Variants in DST observed in about 807,000 individuals in gnomAD.
DST encodes the protein dystonin, also known as bullous pemphigoid antigen.
Under a neutral mutation model 875.2 loss-of-function variants are expected in DST, and 253 were observed. The observed-to-expected ratio is 0.29, with a 90% CI of 0.26 to 0.32. The LOEUF is 0.32. Ranked by LOEUF, DST falls within the 10% of genes least tolerant of loss-of-function variation. The probability of loss-of-function intolerance (pLI) is 1.00; values close to 1 mark genes in which losing one functional copy is unlikely to be tolerated. For synonymous variants in DST, 3,124 were observed against 3,197.1 expected, an observed-to-expected ratio of 0.98 and a Z score of 0.77; for missense variants, 8,287 against 9,111.6, an observed-to-expected ratio of 0.91 and a Z score of 3.68.
chr6:56,574,086 T>C (rs2152619304), intron 50 of DST, among the ~76,000 whole-genome samples, 199 bp from the exon 51 acceptor site: 1 of 152,278 alleles, frequency 6.6e-6, no homozygotes, highest in East Asian at 1.9e-4. Context: ...CAATGGATAC[T>C]GAAAATTGAA....
intron 8 of DST, among the ~76,000 whole-genome samples, chr6:56,700,826 A>G (rs16888124): frequency 0.23 from 35,233 of 152,064 alleles, 4,673 homozygotes; most frequent in African/African-American, 0.34. Context: ...GATGAATAAT[A>G]AGCAAACAAC....
At chr6:56,490,156 T>C (rs1268892062) in intron 85 of DST, among the ~76,000 whole-genome samples, 1 of 152,192 alleles carries the variant, frequency 6.6e-6, no homozygotes, top group African/African-American at 2.4e-5. Context: ...AACATCTTTA[T>C]TGCTGCTATC....
intron 2 of DST, among the ~76,000 whole-genome samples, chr6:56,901,486 T>C (rs1794066484): frequency 6.6e-6 from 1 of 152,048 alleles, no homozygotes; most frequent in African/African-American, 2.4e-5. Flanking sequence ...TCCCAGCTAC[T>C]TGGGAGGCTG....
At chr6:56,890,377 G>C (rs922070047) in intron 3 of DST, among the ~76,000 whole-genome samples, 18 of 152,276 alleles carry the variant, frequency 1.2e-4, no homozygotes, top group South Asian at 4.1e-4. Flanking sequence ...AAAATGCTTT[G>C]TAATGTGAAA....
At chr6:56,953,970 C>T (rs922259407) in intron 1 of DST, among the ~76,000 whole-genome samples, 151 bp from the exon 2 acceptor site, 3 of 152,122 alleles carry the variant, frequency 2.0e-5, no homozygotes, top group Non-Finnish European at 4.4e-5. Context: ...GAGGAGGAGT[C>T]CTGGGGCCAT....
At chr6:56,559,555 C>T (rs1206754807) in intron 58 of DST, among the ~76,000 whole-genome samples, 1 of 152,044 alleles carries the variant, frequency 6.6e-6, no homozygotes, top group African/African-American at 2.4e-5. Flanking sequence ...TTATATAGCA[C>T]TTGATATGTG....
intron 4 of DST, among the ~76,000 whole-genome samples, chr6:56,779,099 C>G (rs1035263242): frequency 6.6e-6 from 1 of 152,096 alleles, no homozygotes; most frequent in Non-Finnish European, 1.5e-5. Context: ...GATGGTATCT[C>G]ATTGTGGTTT....
At chr6:56,690,638 T>C (rs1232739821) in intron 9 of DST, among the ~76,000 whole-genome samples, 1 of 152,156 alleles carries the variant, frequency 6.6e-6, no homozygotes, top group African/African-American at 2.4e-5. Context: ...ACTGATCACA[T>C]AGGGAAGCTA....
chr6:56,568,192 C>T (rs1344038753), intron 55 of DST, among the ~76,000 whole-genome samples: 1 of 152,150 alleles, frequency 6.6e-6, no homozygotes, highest in Non-Finnish European at 1.5e-5. Flanking sequence ...TGAATATGAT[C>T]TGTTCCCTTC....
At position 56,530,067 on chromosome 6, in the gene DST, G is replaced by A. The variant is rs759192728; in HGVS notation, c.17175C>T (p.Asn5725=). The change falls in exon 65 of 104, where the codon AAC becomes AAT. Residue 5725 remains asparagine, a synonymous_variant. Coordinates refer to ENST00000680361, the MANE Select transcript of DST (RefSeq NM_001374736.1). ...TCTTTTCTATGGTTGTAAGCCACTCGTTCAGTGGTTCTAAGGTTTCATGAA... is the reference window on the plus strand; with the variant it reads ...TCTTTTCTATGGTTGTAAGCCACTCATTCAGTGGTTCTAAGGTTTCATGAA... ...QQFHETLEPL[N]EWLTTIEKRL... is the part of the protein sequence containing the mutation. 2.5e-6 allele frequency: 4 copies of A among 1,612,532 alleles called. No individual in the cohort carries two copies. The highest frequency in any genetic ancestry group is 3.3e-5 in the Admixed American group (2 of 59,796).
Position 56,511,232 on chromosome 6 carries a change from C to T in DST, c.18745G>A (p.Val6249Met). 6.3e-7 allele frequency: 1 copy of T among 1,590,908 alleles called. No individual in the cohort carries two copies. The highest frequency in any genetic ancestry group is 8.6e-7 in the Non-Finnish European group (1 of 1,167,258). ...TGAGAAATGGCTTCATCCAGTGCCA[C>T]AGCACGCTTTTTGACATCTTCTTTA... Reference protein sequence around the residue: ...QIKEDVKKRAVALDEAISQST... With the variant: ...QIKEDVKKRAMALDEAISQST... The change falls in exon 73 of 104, where the codon GTG (valine) becomes ATG (methionine). Residue 6249 changes from valine to methionine, a missense_variant. Around this residue, in one of 10 missense-constraint regions of DST, gnomAD observed 1,292 missense variants for 1,552.7 expected, o/e 0.83. Transcript: ENST00000680361.
chr6:56,473,783 C>T, intron 93 of DST, 90 bp downstream of exon 93: 1 of 1,304,788 alleles, frequency 7.7e-7, no homozygotes, highest in Non-Finnish European at 1.1e-6. Flanking sequence ...TGTAAAATCA[C>T]CAATTGCCCC....
At position 56,463,638 on chromosome 6, in the gene DST, T is replaced by C. The variant is rs1270972086; in HGVS notation, c.22886A>G (p.Asn7629Ser). Residue 7629 changes from asparagine (N) to serine (S), a missense_variant, in exon 101 of 104, where the codon AAC becomes AGC. Around this residue, in one of 10 missense-constraint regions of DST, gnomAD observed 240 missense variants for 237.3 expected, o/e 1.01. Coordinates refer to ENST00000680361, the MANE Select transcript of DST (RefSeq NM_001374736.1). ...CTGACTGGACACAGAAGTGGATCTG[T>C]TGGGTGAAGCGCCTCGTGATGATGG... ...SRPSSRGASPNRSTSVSSQAA... is the reference protein window; with the variant it reads ...SRPSSRGASPSRSTSVSSQAA... 12 of 1,613,796 alleles carry C rather than the reference T, an allele frequency of 7.4e-6. No homozygotes were observed. The highest frequency in any genetic ancestry group is 9.3e-6 in the Non-Finnish European group (11 of 1,179,778).
intron 49 of DST, among the ~76,000 whole-genome samples, chr6:56,590,408 T>G (rs1046409921): frequency 1.2e-4 from 18 of 152,172 alleles, no homozygotes; most frequent in Admixed American, 1.1e-3. Context: ...TTTATGCATT[T>G]TCTATACTTA....
At position 56,557,443 on chromosome 6, in the gene DST, G is replaced by A; in HGVS notation, c.14516C>T (p.Thr4839Ile). The stretch of plus-strand genomic sequence containing the variant: ...TTGGGCCTCTACAGTCTGGAACTGG[G>A]TTAGATTATTGGAGGATTCTTCCAG... ...QKLEESSNNL[T>I]QFQTVEAQLK... is the part of the protein sequence containing the mutation. Residue 4839 changes from threonine to isoleucine, a missense_variant, in exon 59 of 104, where the codon ACC becomes ATC. Around this residue, in one of 10 missense-constraint regions of DST, gnomAD observed 1,513 missense variants for 1,677.8 expected, o/e 0.90. Coordinates refer to ENST00000680361, the MANE Select transcript of DST (RefSeq NM_001374736.1). 6.2e-7 allele frequency: 1 copy of A among 1,613,654 alleles called. No individual in the cohort carries two copies. The highest frequency in any genetic ancestry group is 8.5e-7 in the Non-Finnish European group (1 of 1,179,680).
At chr6:56,704,719 A>T (rs1012537447) in intron 5 of DST, among the ~76,000 whole-genome samples, 2 of 152,184 alleles carry the variant, frequency 1.3e-5, no homozygotes, top group Non-Finnish European at 2.9e-5. Flanking sequence ...CCTTAACAAG[A>T]GGGTGGAGTT....
intron 67 of DST, 69 bp from the exon 68 acceptor site, chr6:56,527,803 T>C: frequency 6.8e-7 from 1 of 1,463,606 alleles, no homozygotes; most frequent in Non-Finnish European, 9.1e-7. Flanking sequence ...TCTTCAGATA[T>C]TATGGAACAC....
In DST at chr6:56,729,912, C is replaced by A. The variant is rs549990755; in HGVS notation, c.687+5316G>T. ...AGTCGTGATGGAACAGTGATAAAAT[C>A]TGTGATAGTCAGTTGGGTGTCTCCC... On this transcript the variant is annotated intron_variant, in intron 5 of 103. Coordinates refer to ENST00000680361, the MANE Select transcript of DST (RefSeq NM_001374736.1). Among the ~76,000 whole-genome samples the A allele has an allele frequency of 1.4e-4, 22 of 152,294 alleles. No individual in the cohort carries two copies. The South Asian group carries it at 4.3e-3, about 30-fold the overall frequency.
chr6:56,935,958 A>G (rs947683924), intron 2 of DST, among the ~76,000 whole-genome samples: 22 of 152,138 alleles, frequency 1.4e-4, no homozygotes, highest in African/African-American at 5.3e-4. Context: ...AAGAATAATG[A>G]GATTGGACCA....
Sources: gnomAD v4.1 joint callset for allele counts (sites outside exome capture counted in the v4.1 genomes callset) on GRCh38, gnomAD v4.1.1 for gene constraint, gnomAD v4.1.1 regional missense constraint, MANE v1.5 for transcripts, NCBI Gene and HGNC (gene_info 2026-07-23, HGNC 2026-07-21) for gene names.